SAMTOR: variants seen among roughly 807,000 people sequenced by gnomAD.
The protein encoded by SAMTOR is UPF0532 protein C7orf60.
the SAMTOR span, among the ~76,000 whole-genome samples, chr7:112,854,662 G>A: frequency 6.6e-6 from 1 of 152,268 alleles, no homozygotes. Context: ...TATGGTTAAG[G>A]AACTTAATTT....
the SAMTOR span, among the ~76,000 whole-genome samples, chr7:112,930,907 T>C: frequency 6.6e-6 from 1 of 152,208 alleles, no homozygotes; most frequent in African/African-American, 2.4e-5. Flanking sequence ...CCACAAACTT[T>C]GCTTCTCTTC....
chr7:112,865,586 T>C, the SAMTOR span, among the ~76,000 whole-genome samples: 1 of 148,400 alleles, frequency 6.7e-6, no homozygotes, highest in East Asian at 2.0e-4. Flanking sequence ...TCCCGTCTCA[T>C]TCATATATAT....
At chr7:112,837,888 A>T in the SAMTOR span, among the ~76,000 whole-genome samples, 7 of 151,944 alleles carry the variant, frequency 4.6e-5, no homozygotes, top group African/African-American at 1.7e-4. Context: ...TTGTTGATGC[A>T]TTAACATTGA....
the SAMTOR span, chr7:112,820,296 C>T: frequency 5.9e-5 from 9 of 152,360 alleles, no homozygotes; most frequent in African/African-American, 2.2e-4. Flanking sequence ...AGCACAAAAA[C>T]ATCAGCTTTA....
the SAMTOR span, among the ~76,000 whole-genome samples, chr7:112,888,333 G>A: frequency 2.0e-5 from 3 of 152,112 alleles, no homozygotes; most frequent in Non-Finnish European, 2.9e-5. Context: ...GTTAAGATGT[G>A]TTTTATGGCC....
chr7:112,825,279 G>C, the SAMTOR span, among the ~76,000 whole-genome samples: 1 of 151,826 alleles, frequency 6.6e-6, no homozygotes, highest in South Asian at 2.1e-4. Flanking sequence ...CACTTGCCTA[G>C]GCCTCCCAAA....
the SAMTOR span, among the ~76,000 whole-genome samples, chr7:112,876,077 C>G: frequency 1.3e-5 from 2 of 152,118 alleles, no homozygotes; most frequent in South Asian, 4.1e-4. Context: ...CCTCCCACCT[C>G]AGCGTCCCAA....
chr7:112,824,196 T>C, the SAMTOR span, among the ~76,000 whole-genome samples: 2 of 152,162 alleles, frequency 1.3e-5, no homozygotes, highest in Non-Finnish European at 2.9e-5. Flanking sequence ...GACTAATTTA[T>C]CAATTTGTTC....
At chr7:112,858,371 AC>A in the SAMTOR span, among the ~76,000 whole-genome samples, 2 of 151,780 alleles carry the variant, frequency 1.3e-5, no homozygotes, top group Non-Finnish European at 2.9e-5. Context: ...CAGAATGTTT[AC>A]CCTGACAGTA....
the SAMTOR span, among the ~76,000 whole-genome samples, chr7:112,862,415 T>A: frequency 1.3e-5 from 2 of 152,180 alleles, no homozygotes; most frequent in South Asian, 4.1e-4. Flanking sequence ...CTATTGGGCA[T>A]TCGGAAATTA....
chr7:112,844,134 TA>T, the SAMTOR span, among the ~76,000 whole-genome samples: 1 of 151,966 alleles, frequency 6.6e-6, no homozygotes, highest in East Asian at 1.9e-4. Context: ...TACCTCAAAA[TA>T]ATGAGTCATC....
At chr7:112,880,192 T>C in the SAMTOR span, among the ~76,000 whole-genome samples, 1 of 152,150 alleles carries the variant, frequency 6.6e-6, no homozygotes, top group Non-Finnish European at 1.5e-5. Flanking sequence ...TTCTAAAAAA[T>C]TTGCCAATTG....
chr7:112,902,429 C>CA, the SAMTOR span, among the ~76,000 whole-genome samples: 73 of 58,614 alleles, frequency 1.2e-3, 7 homozygotes, highest in African/African-American at 3.7e-3. Context: ...AAAAAAAAAA[C>CA]AAAAAAAAAC....
chr7:112,893,642 A>G, the SAMTOR span, among the ~76,000 whole-genome samples: 1 of 152,170 alleles, frequency 6.6e-6, no homozygotes, highest in Middle Eastern at 3.2e-3. Flanking sequence ...CAATTTTAAA[A>G]ATAATTTTTC....
chr7:112,867,469 CAT>C, the SAMTOR span, among the ~76,000 whole-genome samples: 1 of 152,128 alleles, frequency 6.6e-6, no homozygotes, highest in Non-Finnish European at 1.5e-5. Context: ...TTCTGAATTT[CAT>C]ATTACTCTTA....
the SAMTOR span, among the ~76,000 whole-genome samples, chr7:112,885,436 C>G: frequency 6.6e-6 from 1 of 152,136 alleles, no homozygotes; most frequent in Non-Finnish European, 1.5e-5. Context: ...GAGCACTTTG[C>G]CACTTAGAAA....
the SAMTOR span, among the ~76,000 whole-genome samples, chr7:112,922,690 G>A: frequency 6.1e-5 from 9 of 146,968 alleles, no homozygotes; most frequent in South Asian, 2.3e-4. Flanking sequence ...CGGCCGCCCC[G>A]TCTGAGAAGT....
chr7:112,911,547 G>GA, the SAMTOR span, among the ~76,000 whole-genome samples: 3 of 151,718 alleles, frequency 2.0e-5, no homozygotes, highest in Non-Finnish European at 4.4e-5. Context: ...CATAAAGCAG[G>GA]AAAAAATGAC....
the SAMTOR span, among the ~76,000 whole-genome samples, chr7:112,937,792 C>G: frequency 6.7e-6 from 1 of 148,602 alleles, no homozygotes; most frequent in African/African-American, 2.5e-5. Flanking sequence ...CACTTATGAA[C>G]TCCATGTATC....
Sources: allele counts gnomAD v4.1 joint callset (sites outside exome capture counted in the v4.1 genomes callset), GRCh38; gene constraint gnomAD v4.1.1; transcripts MANE v1.5; gene names NCBI Gene and HGNC (gene_info 2026-07-23, HGNC 2026-07-21).